CDC25C: variants seen among roughly 807,000 people sequenced by gnomAD.
CDC25C encodes M-phase inducer phosphatase 3.
CDC25C carries 48 observed loss-of-function variants against 52.5 expected under a neutral mutation model. The ratio of observed to expected loss-of-function variants is 0.91; its 90% CI spans 0.72 to 1.16. The LOEUF is 1.16. Among genes scored for constraint, CDC25C ranks in the 50% most tolerant of loss-of-function variants. The probability of loss-of-function intolerance (pLI) is 0.00; values close to 1 mark genes in which losing one functional copy is unlikely to be tolerated. For synonymous variants in CDC25C, 187 were observed against 206.5 expected (o/e 0.91, Z 0.81); for missense variants, 510 against 566.1 (o/e 0.90, Z 1.01).
chr5:138,309,082 T>C (rs1043192004), intron 7 of CDC25C, among the ~76,000 whole-genome samples: 3 of 152,238 alleles, frequency 2.0e-5, no homozygotes, highest in Admixed American at 2.0e-4. Flanking sequence ...TTCTAGTCTC[T>C]GTACTGTCTT....
At chr5:138,338,310 A>G in exon 1 of CDC25C, 1 of 532,224 alleles carries the variant, frequency 1.9e-6, no homozygotes, top group Non-Finnish European at 3.3e-6. Context: ...GAACCGCGGT[A>G]GGTGGTGGAG....
intron 7 of CDC25C, among the ~76,000 whole-genome samples, chr5:138,310,489 C>A (rs17171794): frequency 0.3 from 45,338 of 152,046 alleles, 7,160 homozygotes; most frequent in East Asian, 0.61. Flanking sequence ...CATTGAGCAT[C>A]CCCTCACCTA....
intron 2 of CDC25C, 24 bp from the exon 3 acceptor site, chr5:138,329,671 G>A (rs377657221): frequency 9.5e-6 from 12 of 1,260,714 alleles, no homozygotes; most frequent in Middle Eastern, 1.9e-4. Flanking sequence ...ATAGTACATC[G>A]AAATTCCCAT....
At chr5:138,297,004 G>C (rs1185337659) in intron 7 of CDC25C, among the ~76,000 whole-genome samples, 1 of 144,946 alleles carries the variant, frequency 6.9e-6, no homozygotes, top group Non-Finnish European at 1.5e-5. Context: ...TCTGCCTCGC[G>C]GGTTCACGCC....
chr5:138,303,978 T>C (rs772522730), intron 7 of CDC25C, among the ~76,000 whole-genome samples: 1 of 152,178 alleles, frequency 6.6e-6, no homozygotes. Context: ...TAAAAGGAGA[T>C]TGATTGCTGT....
intron 7 of CDC25C, among the ~76,000 whole-genome samples, chr5:138,293,145 C>G (rs1165605253): frequency 6.6e-6 from 1 of 152,150 alleles, no homozygotes; most frequent in African/African-American, 2.4e-5. Context: ...GCTGATGGTA[C>G]CGTCCACATT....
intron 4 of CDC25C, among the ~76,000 whole-genome samples, chr5:138,326,823 A>G (rs1759901824): frequency 6.6e-6 from 1 of 151,888 alleles, no homozygotes; most frequent in Non-Finnish European, 1.5e-5. Context: ...ATGGTGGCGC[A>G]TGCCTGTAAT....
intron 7 of CDC25C, among the ~76,000 whole-genome samples, chr5:138,315,742 A>G (rs555462595): frequency 6.6e-6 from 1 of 152,336 alleles, no homozygotes; most frequent in East Asian, 1.9e-4. Flanking sequence ...CAGTCATACC[A>G]CCAAGTAAAT....
intron 1 of CDC25C, chr5:138,337,868 G>A (rs944364228): frequency 2.0e-5 from 18 of 914,006 alleles, no homozygotes; most frequent in Non-Finnish European, 2.7e-5. Flanking sequence ...GGGCACTGTG[G>A]CTAATTGCGT....
intron 7 of CDC25C, among the ~76,000 whole-genome samples, chr5:138,304,638 T>C (rs1218591706): frequency 6.6e-6 from 1 of 152,040 alleles, no homozygotes; most frequent in Non-Finnish European, 1.5e-5. Context: ...CCCAAGTGGC[T>C]GGGACTACAG....
chr5:138,295,071 C>G (rs1376764016), intron 7 of CDC25C, among the ~76,000 whole-genome samples: 1 of 152,164 alleles, frequency 6.6e-6, no homozygotes, highest in African/African-American at 2.4e-5. Context: ...TATGGATTTC[C>G]AATTGCTCCA....
intron 9 of CDC25C, among the ~76,000 whole-genome samples, chr5:138,290,303 C>T (rs919513983): frequency 6.6e-6 from 1 of 152,114 alleles, no homozygotes; most frequent in South Asian, 2.1e-4. Context: ...ATATACTAAG[C>T]AATATTACCC....
upstream of CDC25C, among the ~76,000 whole-genome samples, chr5:138,334,225 C>CAT (rs1760575703): frequency 6.7e-6 from 1 of 149,354 alleles, no homozygotes; most frequent in East Asian, 2.0e-4. Context: ...TGAGCCACTG[C>CAT]GCCCGGCCGC....
At chr5:138,298,554 A>G (rs942716143) in intron 7 of CDC25C, among the ~76,000 whole-genome samples, 50 of 151,300 alleles carry the variant, frequency 3.3e-4, no homozygotes, top group African/African-American at 1.2e-3. Context: ...GATCGAGACC[A>G]TCCTGGCCAA....
intron 7 of CDC25C, among the ~76,000 whole-genome samples, chr5:138,312,220 C>T (rs959616403): frequency 6.6e-6 from 1 of 151,976 alleles, no homozygotes; most frequent in African/African-American, 2.4e-5. Context: ...GAACTGAAAG[C>T]AGGGCCAGGT....
At chr5:138,317,668 A>T (rs2126785157) in intron 7 of CDC25C, among the ~76,000 whole-genome samples, 1 of 140,440 alleles carries the variant, frequency 7.1e-6, no homozygotes, top group African/African-American at 2.6e-5. Context: ...CTACAGAGAA[A>T]GACCCTGTCT....
At chr5:138,302,155 C>A (rs112354065) in intron 7 of CDC25C, among the ~76,000 whole-genome samples, 1 of 151,226 alleles carries the variant, frequency 6.6e-6, no homozygotes, top group African/African-American at 2.4e-5. Flanking sequence ...CCACCATGCC[C>A]GGCTAGTTTT....
rs1257271744 is a variant in CDC25C at position 138,331,156 on chromosome 5, T to C, written c.25A>G (p.Thr9Ala). 1 of 1,614,036 alleles carries C rather than the reference T, an allele frequency of 6.2e-7. No homozygotes were observed. The highest frequency in any genetic ancestry group is 1.3e-5 in the African/African-American group (1 of 74,932). Residue 9 changes from threonine (T) to alanine (A), a missense_variant, in exon 2 of 14, where the codon ACA (threonine) becomes GCA (alanine). Physicochemically the swap from Thr to Ala is moderately conservative, Grantham distance 58. Coordinates refer to ENST00000323760, the MANE Select transcript of CDC25C (RefSeq NM_001790.5). ...GAGCCAGAGCTTCCTTCCTCTCTTGTGGATGAGAAGAGTTCCGTAGACATG... is the reference window on the plus strand; with the variant it reads ...GAGCCAGAGCTTCCTTCCTCTCTTGCGGATGAGAAGAGTTCCGTAGACATG... MSTELFSSTREEGSSGSGP... is the reference protein window; with the variant it reads MSTELFSSAREEGSSGSGP...
intron 7 of CDC25C, among the ~76,000 whole-genome samples, chr5:138,306,922 C>A (rs1313655067): frequency 6.6e-6 from 1 of 151,938 alleles, no homozygotes; most frequent in African/African-American, 2.4e-5. Context: ...CAGCTCACTG[C>A]AATCTCTGCC....
Sources: allele counts gnomAD v4.1 joint callset (sites outside exome capture counted in the v4.1 genomes callset), GRCh38; gene constraint gnomAD v4.1.1; transcripts MANE v1.5; gene names NCBI Gene and HGNC (gene_info 2026-07-23, HGNC 2026-07-21).